The following TBCK variants were observed in gnomAD, a reference collection of about 807,000 sequenced individuals.
The protein encoded by TBCK is TBC1 domain containing kinase.
A neutral mutation model predicts 113.4 loss-of-function variants in TBCK; 99 were observed. That is an observed-to-expected ratio of 0.87 (90% CI 0.74 to 1.03). TBCK has a LOEUF of 1.03. TBCK is among the 50% of genes least tolerant of loss of function. The pLI is 0.00. For synonymous variants in TBCK, 369 were observed against 370.8 expected, an observed-to-expected ratio of 1.00 and a Z score of 0.05; for missense variants, 1,045 against 1,061.3, an observed-to-expected ratio of 0.98 and a Z score of 0.21.
chr4:106,217,825 A>G (rs1052076905), intron 19 of TBCK, among the ~76,000 whole-genome samples: 1 of 149,642 alleles, frequency 6.7e-6, no homozygotes, highest in Non-Finnish European at 1.5e-5. Context: ...TGCTATCCCC[A>G]TAAAGCTACC....
chr4:106,313,622 C>A (rs1260105750), intron 1 of TBCK, among the ~76,000 whole-genome samples: 1 of 152,104 alleles, frequency 6.6e-6, no homozygotes, highest in Non-Finnish European at 1.5e-5. Flanking sequence ...GTTATTTACC[C>A]AAGAATGAAT....
chr4:106,149,011 G>A (rs896690145), intron 23 of TBCK, among the ~76,000 whole-genome samples: 10 of 152,202 alleles, frequency 6.6e-5, no homozygotes, highest in Non-Finnish European at 1.5e-4. Flanking sequence ...GCTTCACCCT[G>A]TACTTTTACG....
At chr4:106,158,907 G>A (rs188465145) in intron 23 of TBCK, among the ~76,000 whole-genome samples, 29 of 152,028 alleles carry the variant, frequency 1.9e-4, no homozygotes, top group Middle Eastern at 6.8e-3. Context: ...CAAAATAGTA[G>A]CAAACTGAAT....
intron 23 of TBCK, among the ~76,000 whole-genome samples, chr4:106,148,681 T>A (rs1031192605): frequency 6.6e-6 from 1 of 152,184 alleles, no homozygotes; most frequent in African/African-American, 2.4e-5. Flanking sequence ...TGTGCTGTCA[T>A]CCAGACTTGG....
intron 25 of TBCK, among the ~76,000 whole-genome samples, chr4:106,064,048 T>C (rs1000463266): frequency 1.3e-5 from 2 of 151,822 alleles, no homozygotes; most frequent in African/African-American, 2.4e-5. Flanking sequence ...CAGGAAGTAA[T>C]GGGGAGCCGG....
intron 1 of TBCK, among the ~76,000 whole-genome samples, chr4:106,312,337 A>G (rs1302655997): frequency 6.6e-6 from 1 of 152,214 alleles, no homozygotes; most frequent in Non-Finnish European, 1.5e-5. Context: ...CACACAAGGC[A>G]TGAAAATAAT....
chr4:106,218,538 C>A, intron 19 of TBCK, among the ~76,000 whole-genome samples: 1 of 104,302 alleles, frequency 9.6e-6, no homozygotes, highest in Non-Finnish European at 1.9e-5. Context: ...AAACAAACAA[C>A]CCCATCAAAA....
chr4:106,126,082 G>A (rs1002044691), intron 23 of TBCK, among the ~76,000 whole-genome samples: 1 of 152,144 alleles, frequency 6.6e-6, no homozygotes, highest in African/African-American at 2.4e-5. Context: ...TCACGCCACT[G>A]TGCCTTTGCA....
intron 20 of TBCK, among the ~76,000 whole-genome samples, chr4:106,194,961 T>C (rs1321714489): frequency 6.6e-6 from 1 of 152,120 alleles, no homozygotes; most frequent in Non-Finnish European, 1.5e-5. Flanking sequence ...TCTCCATACA[T>C]AGTGAATCAT....
chr4:106,160,018 G>A (rs572681717), intron 23 of TBCK, among the ~76,000 whole-genome samples: 1 of 152,164 alleles, frequency 6.6e-6, no homozygotes, highest in South Asian at 2.1e-4. Context: ...AGACCATTCA[G>A]TGGGGTAAAG....
intron 9 of TBCK, 187 bp from the exon 10 acceptor site, chr4:106,247,474 T>C (rs1760969945): frequency 7.8e-6 from 4 of 515,684 alleles, no homozygotes; most frequent in African/African-American, 2.0e-5. Context: ...GAGTAAATAC[T>C]GAATTTTTTT....
At chr4:106,294,282 C>T (rs1042144561) in intron 3 of TBCK, among the ~76,000 whole-genome samples, 14 of 151,698 alleles carry the variant, frequency 9.2e-5, no homozygotes, top group Non-Finnish European at 1.5e-4. Flanking sequence ...CTCCGCCCCG[C>T]GGGTTCAAGC....
chr4:106,109,967 C>T (rs564382141), intron 24 of TBCK, among the ~76,000 whole-genome samples: 136 of 152,116 alleles, frequency 8.9e-4, no homozygotes, highest in African/African-American at 3.1e-3. Flanking sequence ...ATCCGGAGCC[C>T]GAGAGCGAAG....
At chr4:106,148,346 C>T (rs1420606533) in intron 23 of TBCK, among the ~76,000 whole-genome samples, 2 of 152,128 alleles carry the variant, frequency 1.3e-5, no homozygotes, top group East Asian at 1.9e-4. Flanking sequence ...TGGGGCATCA[C>T]GGAACCTATC....
chr4:106,265,050 C>G (rs1489548582), intron 3 of TBCK, among the ~76,000 whole-genome samples: 1 of 151,806 alleles, frequency 6.6e-6, no homozygotes, highest in Non-Finnish European at 1.5e-5. Context: ...TATTTCAGCC[C>G]AATATGTCTA....
chr4:106,084,535 C>T (rs965325670), intron 25 of TBCK, among the ~76,000 whole-genome samples: 3 of 152,116 alleles, frequency 2.0e-5, no homozygotes, highest in Non-Finnish European at 2.9e-5. Flanking sequence ...GCCAGGAGAA[C>T]TTCCCCAACC....
chr4:106,220,574 A>T (rs1356298357), intron 19 of TBCK, among the ~76,000 whole-genome samples: 1 of 152,146 alleles, frequency 6.6e-6, no homozygotes, highest in Non-Finnish European at 1.5e-5. Flanking sequence ...GACAAGCTGA[A>T]TTCCTCATTT....
chr4:106,105,328 C>G lies in TBCK; in HGVS notation c.2412-9687G>C, dbSNP rs139051750. On this transcript the variant is annotated intron_variant, in intron 24 of 25. Transcript: ENST00000394708. ...GACCTGCATCTCTCTGGGGCGGAGC[C>G]CCCAGGAGTCAAAAAAAAATGACCC... Among the ~76,000 whole-genome samples, 96 of 152,312 alleles carry G rather than the reference C, an allele frequency of 6.3e-4. 1 individual carries two copies. In the East Asian group the frequency reaches 0.018, roughly 28 times the overall value.
intron 24 of TBCK, 68 bp from the exon 25 acceptor site, chr4:106,095,709 G>A (rs924937086): frequency 3.1e-5 from 43 of 1,409,068 alleles, no homozygotes; most frequent in Non-Finnish European, 4.1e-5. Context: ...GAAACTCACA[G>A]AGCTAAGTGA....
Sources: allele counts gnomAD v4.1 joint callset (sites outside exome capture counted in the v4.1 genomes callset), GRCh38; gene constraint gnomAD v4.1.1; transcripts MANE v1.5; gene names NCBI Gene and HGNC (gene_info 2026-07-23, HGNC 2026-07-21).